Variants in BTBD2 observed in about 807,000 individuals in gnomAD.
The protein encoded by BTBD2 is BTB domain containing 2, also known as BTB/POZ domain-containing protein 2.
BTBD2 carries 15 observed loss-of-function variants against 44.0 expected under a neutral mutation model. That is an observed-to-expected ratio of 0.34 (90% CI 0.23 to 0.53). The LOEUF (loss-of-function observed/expected upper bound fraction) is 0.53, where lower values mean the gene tolerates loss of function less well. Among genes scored for constraint, BTBD2 ranks in the 20% least tolerant of loss-of-function variants. The probability of loss-of-function intolerance (pLI) is 0.95; values close to 1 mark genes in which losing one functional copy is unlikely to be tolerated. For missense variants in BTBD2, 657 were observed against 746.4 expected (o/e 0.88, Z 1.39); for synonymous variants, 443 against 335.9 (o/e 1.32, Z -3.49).
Position 1,986,314 on chromosome 19 carries a change from C to A in BTBD2, c.*174G>T, listed in dbSNP as rs529099856. On this transcript the variant is annotated 3_prime_UTR_variant, in exon 9 of 9. Transcript: ENST00000255608. ...GCTGCCCTGATCCAGCAGCCACACTCGTGGTGAACACAGGGCAACCCCGTC... is the reference window on the plus strand; with the variant it reads ...GCTGCCCTGATCCAGCAGCCACACTAGTGGTGAACACAGGGCAACCCCGTC... The A allele has an allele frequency of 1.9e-4, 147 of 784,626 alleles. No homozygotes were observed. The African/African-American group carries it at 2.2e-3, about 12-fold the overall frequency. The allele number at this position is 784,626 out of a possible 1,614,324, so 48.6% of individuals were successfully genotyped here.
chr19:1,998,860 G>A (rs1035586802), intron 1 of BTBD2, among the ~76,000 whole-genome samples: 5 of 152,220 alleles, frequency 3.3e-5, no homozygotes, highest in East Asian at 1.9e-4. Flanking sequence ...CTCGGCCTGC[G>A]CGCGGCGGAG....
intron 1 of BTBD2, among the ~76,000 whole-genome samples, chr19:2,006,513 AAAAAAAAAGAAAAG>A (rs1599359201): frequency 2.0e-5 from 3 of 148,708 alleles, no homozygotes; most frequent in East Asian, 2.0e-4. Context: ...TCTCAAAAAA[AAAAAAAAAGAAAAG>A]AAAAATCACC....
chr19:1,987,716 G>A, intron 5 of BTBD2, 24 bp from the exon 6 acceptor site: 1 of 1,564,652 alleles, frequency 6.4e-7, no homozygotes, highest in South Asian at 1.2e-5. Flanking sequence ...AGGGTGTGGG[G>A]GAGGGCCGGG....
intron 3 of BTBD2, among the ~76,000 whole-genome samples, chr19:1,991,458 T>A (rs547814822): frequency 2.8e-4 from 43 of 152,252 alleles, no homozygotes; most frequent in African/African-American, 7.5e-4. Context: ...CGTAGTGGTT[T>A]TAGGGGCAGG....
At chr19:2,008,594 T>TC (rs1334323125) in intron 1 of BTBD2, among the ~76,000 whole-genome samples, 3 of 149,290 alleles carry the variant, frequency 2.0e-5, no homozygotes, top group Non-Finnish European at 4.4e-5. Flanking sequence ...CCCAGCTTTT[T>TC]TTTTTTTTTT....
chr19:1,996,560 A>AAAG lies in BTBD2; in HGVS notation c.527+781_527+783dup, dbSNP rs539971510. 6.3e-4 allele frequency among the ~76,000 whole-genome samples: 96 copies of AAAG among 151,246 alleles called. 2 individuals carry two copies. In the East Asian group the frequency reaches 0.015, roughly 23 times the overall value. On this transcript the variant is annotated intron_variant, in intron 2 of 8. Coordinates refer to ENST00000255608, the MANE Select transcript of BTBD2 (RefSeq NM_017797.4). The stretch of plus-strand genomic sequence containing the variant: ...GCAAAACTGTCAAAAAAAAAAAAAA[A>AAAG]AAGAAGGAAAGAAAAGAAAAGAAAA...
At chr19:2,009,797 C>A (rs577664711) in intron 1 of BTBD2, among the ~76,000 whole-genome samples, 2 of 152,052 alleles carry the variant, frequency 1.3e-5, no homozygotes, top group Non-Finnish European at 2.9e-5. Flanking sequence ...CTGCAGCATG[C>A]GGAGATCACG....
At chr19:2,011,678 A>G (rs2016466466) in intron 1 of BTBD2, among the ~76,000 whole-genome samples, 1 of 152,056 alleles carries the variant, frequency 6.6e-6, no homozygotes, top group South Asian at 2.1e-4. Flanking sequence ...AATTTTTTCA[A>G]TAAAGGCTGC....
intron 1 of BTBD2, among the ~76,000 whole-genome samples, chr19:1,999,313 T>G (rs959764793): frequency 1.3e-5 from 2 of 152,070 alleles, no homozygotes; most frequent in African/African-American, 4.8e-5. Flanking sequence ...GCTAACTCCG[T>G]GAGTCAGGAC....
At chr19:1,995,390 T>C (rs1599352264) in intron 2 of BTBD2, among the ~76,000 whole-genome samples, 1 of 149,540 alleles carries the variant, frequency 6.7e-6, no homozygotes, top group Admixed American at 6.7e-5. Context: ...CACACCATTC[T>C]CCTGCCTCAG....
chr19:1,993,952 T>C (rs1012672787), intron 2 of BTBD2, among the ~76,000 whole-genome samples: 6 of 117,722 alleles, frequency 5.1e-5, no homozygotes, highest in African/African-American at 2.0e-4. Context: ...AGCTGAGATC[T>C]CGCCACTGCA....
chr19:2,006,060 T>C (rs2016390381), intron 1 of BTBD2, among the ~76,000 whole-genome samples: 2 of 149,874 alleles, frequency 1.3e-5, no homozygotes, highest in Non-Finnish European at 3.0e-5. Context: ...TGAACTCCAG[T>C]GTGGGTGACA....
At chr19:1,999,816 G>C (rs2016303294) in intron 1 of BTBD2, among the ~76,000 whole-genome samples, 2 of 152,032 alleles carry the variant, frequency 1.3e-5, no homozygotes, top group Admixed American at 6.6e-5. Flanking sequence ...ACAAAAATTA[G>C]CTGGGCGTGG....
At position 1,998,688 on chromosome 19, in the gene BTBD2, G is replaced by A. The variant is rs142659302; in HGVS notation, c.408-1225C>T. Among the ~76,000 whole-genome samples the A allele has an allele frequency of 4.4e-4, 67 of 152,172 alleles. 1 individual carries two copies. Among genetic ancestry groups the A allele is most frequent in the East Asian group, 3.7e-3 (19 of 5,170 alleles). On this transcript the variant is annotated intron_variant, in intron 1 of 8. Transcript: ENST00000255608. ...ACTCCACGGCTCCCAGGCTCAAGAC[G>A]CCACTCTGTGCTGTCCATGTACAGT...
chr19:2,013,230 C>T (rs2016489878), intron 1 of BTBD2, among the ~76,000 whole-genome samples: 1 of 152,286 alleles, frequency 6.6e-6, no homozygotes. Flanking sequence ...GGACCCTCCC[C>T]CTCCAGTGCC....
chr19:1,989,198 C>T (rs1368852997), intron 5 of BTBD2, among the ~76,000 whole-genome samples: 1 of 152,150 alleles, frequency 6.6e-6, no homozygotes, highest in East Asian at 1.9e-4. Flanking sequence ...CATGACCAGC[C>T]CAGGTGACAT....
chr19:1,996,545 CAAAA>C (rs111933486), intron 2 of BTBD2, among the ~76,000 whole-genome samples: 1 of 99,322 alleles, frequency 1.0e-5, no homozygotes. Flanking sequence ...GCAAAACTGT[CAAAA>C]AAAAAAAAAA....
rs757610526 is a variant in BTBD2 at position 1,986,843 on chromosome 19, C to T, written c.1403G>A (p.Cys468Tyr). Reference protein sequence around the residue: ...EVLPNVNYTACATLKGPDSHY... With the variant: ...EVLPNVNYTAYATLKGPDSHY... ...CCGGCGGCGCACCTTGAGCGTGGCA[C>T]AGGCCGTGTAGTTGACGTTGGGCAG... The change falls in exon 8 of 9, where the codon TGT (cysteine) becomes TAT (tyrosine). Residue 468 changes from cysteine (C) to tyrosine (Y), a missense_variant. Coordinates refer to ENST00000255608, the MANE Select transcript of BTBD2 (RefSeq NM_017797.4). 32 of 1,608,762 alleles carry T rather than the reference C, an allele frequency of 2.0e-5. No individual in the cohort carries two copies. The highest frequency in any genetic ancestry group is 2.7e-5 in the African/African-American group (2 of 74,890).
At chr19:1,992,274 T>G (rs2016190380) in intron 3 of BTBD2, among the ~76,000 whole-genome samples, 1 of 152,016 alleles carries the variant, frequency 6.6e-6, no homozygotes, top group African/African-American at 2.4e-5. Context: ...TGAAATATTT[T>G]TTTTTAGTAG....
Sources: gnomAD v4.1 joint callset for allele counts (sites outside exome capture counted in the v4.1 genomes callset) on GRCh38, gnomAD v4.1.1 for gene constraint, MANE v1.5 for transcripts, NCBI Gene and HGNC (gene_info 2026-07-23, HGNC 2026-07-21) for gene names.